ZNF334: variants seen among roughly 807,000 people sequenced by gnomAD.
ZNF334 encodes the protein zinc finger protein 334.
A neutral mutation model predicts 12.4 loss-of-function variants in ZNF334; 14 were observed. The observed-to-expected ratio is 1.13, with a 90% confidence interval of 0.74 to 1.76. ZNF334 has a LOEUF of 1.76. Among genes scored for constraint, ZNF334 ranks in the 40% most tolerant of loss-of-function variants. The pLI, the probability that ZNF334 is intolerant of heterozygous loss-of-function variation, is 0.00. For synonymous variants in ZNF334, 273 were observed against 269.6 expected (o/e 1.01, Z -0.12); for missense variants, 797 against 804.5 (o/e 0.99, Z 0.11).
intron 4 of ZNF334, 65 bp downstream of exon 4, chr20:46,504,149 T>G: frequency 1.7e-6 from 2 of 1,148,922 alleles, no homozygotes; most frequent in South Asian, 3.1e-5. Context: ...TGCCAACTAT[T>G]ACCACCGACC....
At chr20:46,493,877 C>T in the ZNF334 span, among the ~76,000 whole-genome samples, 2 of 152,156 alleles carry the variant, frequency 1.3e-5, no homozygotes, top group Non-Finnish European at 2.9e-5. Context: ...TTGCAGTGAG[C>T]AGAGATCATG....
chr20:46,485,671 A>AAAATTTTTATTTTTTTAGTCAGGGGAT, the ZNF334 span: 1 of 152,180 alleles, frequency 6.6e-6, no homozygotes, highest in Non-Finnish European at 1.5e-5. Context: ...ATAGGCTCCT[A>AAAATTTTTATTTTTTTAGTCAGGGGAT]AAAGTCAGGG....
the ZNF334 span, among the ~76,000 whole-genome samples, chr20:46,471,169 T>C: frequency 6.6e-6 from 1 of 152,230 alleles, no homozygotes; most frequent in Non-Finnish European, 1.5e-5. Flanking sequence ...TAGGTGGTTG[T>C]GTGGTACTAT....
chr20:46,502,793 T>G lies in ZNF334; in HGVS notation c.546A>C (p.Arg182Ser), dbSNP rs761359341. Residue 182 changes from arginine to serine, a missense_variant, in exon 5 of 5, where the codon AGA (arginine) becomes AGC (serine). Transcript: ENST00000692313. Reference sequence around the variant, plus strand: ...TGCTGGCTTTCCTCATTGGATTGTATCTGTATTTTTTCATTCCCAAATGAC... The same window carrying G: ...TGCTGGCTTTCCTCATTGGATTGTAGCTGTATTTTTTCATTCCCAAATGAC... ...EKSHLGMKKY[R>S]YNPMRKASNQ... 2 of 1,613,806 alleles carry G rather than the reference T, an allele frequency of 1.2e-6. No individual in the cohort carries two copies. The highest frequency in any genetic ancestry group is 3.3e-5 in the Admixed American group (2 of 60,008).
At chr20:46,497,517 T>C (rs142389281), downstream of ZNF334, among the ~76,000 whole-genome samples, 131 of 152,272 alleles carry the variant, frequency 8.6e-4, 1 homozygote, top group African/African-American at 3.1e-3. Flanking sequence ...GAAGAAGAGA[T>C]TACCAACTAA....
At chr20:46,462,896 T>C in the ZNF334 span, among the ~76,000 whole-genome samples, 3 of 152,194 alleles carry the variant, frequency 2.0e-5, no homozygotes, top group African/African-American at 7.2e-5. Flanking sequence ...CAACTCTGCA[T>C]TGATTTTATG....
chr20:46,467,564 G>A, the ZNF334 span, among the ~76,000 whole-genome samples: 2 of 152,282 alleles, frequency 1.3e-5, no homozygotes, highest in African/African-American at 2.4e-5. Flanking sequence ...ATATATGTAC[G>A]CTAATGCTGC....
chr20:46,490,536 C>T, the ZNF334 span, among the ~76,000 whole-genome samples: 2 of 152,282 alleles, frequency 1.3e-5, no homozygotes, highest in African/African-American at 4.8e-5. Context: ...GTTCTTTAAG[C>T]TTTTCTGTTT....
downstream of ZNF334, among the ~76,000 whole-genome samples, chr20:46,499,406 C>G (rs1024061181): frequency 2.6e-5 from 4 of 151,536 alleles, no homozygotes; most frequent in African/African-American, 9.7e-5. Flanking sequence ...GATGAATACA[C>G]CCTCTATATC....
intron 2 of ZNF334, chr20:46,506,201 C>A (rs1242676238): frequency 2.4e-6 from 1 of 413,110 alleles, no homozygotes; most frequent in Non-Finnish European, 4.3e-6. Context: ...AGAGATACCA[C>A]AGTGATCAGA....
the ZNF334 span, among the ~76,000 whole-genome samples, chr20:46,463,383 G>T: frequency 6.6e-6 from 1 of 152,216 alleles, no homozygotes; most frequent in Non-Finnish European, 1.5e-5. Flanking sequence ...AGTTGGACAG[G>T]GTGGGAATTA....
chr20:46,506,350 G>A, intron 2 of ZNF334: 1 of 638,218 alleles, frequency 1.6e-6, no homozygotes, highest in South Asian at 1.7e-5. Flanking sequence ...ACATGGCCAG[G>A]TGTGGTGGCG....
At chr20:46,490,063 T>C in the ZNF334 span, among the ~76,000 whole-genome samples, 3 of 152,182 alleles carry the variant, frequency 2.0e-5, no homozygotes, top group Non-Finnish European at 4.4e-5. Context: ...CACAGTTTTA[T>C]ATAAAGGTAA....
chr20:46,493,709 A>C, the ZNF334 span, among the ~76,000 whole-genome samples: 1 of 152,270 alleles, frequency 6.6e-6, no homozygotes, highest in African/African-American at 2.4e-5. Context: ...TGGGAAACCA[A>C]CAAGGGATTT....
chr20:46,469,534 A>AT, the ZNF334 span, among the ~76,000 whole-genome samples: 352 of 148,950 alleles, frequency 2.4e-3, 2 homozygotes, highest in East Asian at 0.012. Flanking sequence ...ACACTGGGCT[A>AT]TTTTTTTTTT....
At chr20:46,490,210 T>C in the ZNF334 span, among the ~76,000 whole-genome samples, 1 of 152,222 alleles carries the variant, frequency 6.6e-6, no homozygotes. Context: ...CTAGAATATA[T>C]TTCAAATTAA....
In ZNF334 at chr20:46,501,508, G is replaced by A; in HGVS notation, c.1831C>T (p.His611Tyr). ...CTATGGACTCTGAAGGCTGACTTAT[G>A]GCAGAAGGATTTCCCACATTCATTA... The part of the protein sequence containing the change: ...ECNECGKSFC[H>Y]KSAFRVHRRI... The change falls in exon 5 of 5, where the codon CAT becomes TAT. Residue 611 changes from histidine (H) to tyrosine (Y), a missense_variant. Physicochemically the swap from His to Tyr is moderately conservative, Grantham distance 83. Coordinates refer to ENST00000692313, the MANE Select transcript of ZNF334 (RefSeq NM_001353824.2). The A allele has an allele frequency of 6.2e-7, 1 of 1,614,102 alleles. No individual in the cohort carries two copies.
chr20:46,473,515 GTTCT>G, the ZNF334 span, among the ~76,000 whole-genome samples: 1 of 152,194 alleles, frequency 6.6e-6, no homozygotes, highest in African/African-American at 2.4e-5. Context: ...TTGATAGACA[GTTCT>G]TTCTTATGAT....
At chr20:46,464,417 G>A in the ZNF334 span, 180 of 505,942 alleles carry the variant, frequency 3.6e-4, 2 homozygotes, top group South Asian at 2.8e-3. Flanking sequence ...GCTGCAGCTG[G>A]AGAGGATCCC....
Sources: allele counts gnomAD v4.1 joint callset (sites outside exome capture counted in the v4.1 genomes callset), GRCh38; gene constraint gnomAD v4.1.1; transcripts MANE v1.5; gene names NCBI Gene and HGNC (gene_info 2026-07-23, HGNC 2026-07-21).